Variants in ODAD4 observed in about 807,000 individuals in gnomAD.
ODAD4 encodes the protein outer dynein arm docking complex subunit 4, also known as outer dynein arm-docking complex subunit 4.
A neutral mutation model predicts 51.8 loss-of-function variants in ODAD4; 49 were observed. The observed-to-expected ratio is 0.95, with a 90% CI of 0.75 to 1.20. The LOEUF is 1.20. ODAD4 is among the 50% of genes most tolerant of loss of function. The pLI is 0.00. For missense variants in ODAD4, 590 were observed against 586.5 expected, an observed-to-expected ratio of 1.01 and a Z score of -0.06; for synonymous variants, 235 against 221.3, an observed-to-expected ratio of 1.06 and a Z score of -0.55.
chr17:41,938,517 C>T, intron 5 of ODAD4, 40 bp from the exon 6 acceptor site: 1 of 1,553,644 alleles, frequency 6.4e-7, no homozygotes. Flanking sequence ...CCCTTAGAGG[C>T]CTGTTCTCCT....
intron 5 of ODAD4, 37 bp from the exon 6 acceptor site, chr17:41,938,520 G>T: frequency 6.3e-7 from 1 of 1,576,652 alleles, no homozygotes. Context: ...TTAGAGGCCT[G>T]TTCTCCTTGG....
In ODAD4 at chr17:41,945,222, C is replaced by T. The variant is rs782253232; in HGVS notation, c.1145C>T (p.Thr382Met). The T allele has an allele frequency of 1.7e-5, 27 of 1,610,584 alleles. No homozygotes were observed. The highest frequency in any genetic ancestry group is 8.4e-5 in the Admixed American group (5 of 59,652). Residue 382 changes from threonine to methionine, a missense_variant and splice_region_variant, in exon 8 of 12, where the codon ACG (threonine) becomes ATG (methionine). By Grantham distance (81) the Thr-to-Met change is moderately conservative (BLOSUM62 -1). This residue lies in a region of ODAD4 where 226 missense variants were observed against 162.7 expected (regional missense o/e 1.39). Transcript: ENST00000377540. ...GGGAAATTCCAGCAAGCCATTGACA[C>T]GTGAGTGACCAAGAATTGCCTCTTC... Reference protein sequence around the residue: ...RVGKFQQAIDTWEEKIPLAKT... With the variant: ...RVGKFQQAIDMWEEKIPLAKT...
intron 7 of ODAD4, among the ~76,000 whole-genome samples, chr17:41,943,286 A>G (rs557925372): frequency 2.0e-5 from 3 of 152,266 alleles, no homozygotes; most frequent in East Asian, 3.9e-4. Context: ...CTTCCTCTCA[A>G]ATATAACCAC....
Position 41,961,433 on chromosome 17 carries a change from T to C in ODAD4, c.1495T>C (p.Tyr499His), listed in dbSNP as rs1555641691. The C allele has an allele frequency of 1.4e-6, 1 of 739,128 alleles. No individual in the cohort carries two copies. The highest frequency in any genetic ancestry group is 2.5e-6 in the Non-Finnish European group (1 of 396,980). The allele number at this position is 739,128 out of a possible 1,614,324, so 45.8% of individuals were successfully genotyped here. ...CATCAGAGAACTGAGGAAAACCAAC[T>C]ACGTGGAGAATCTCAAAGAAAAAAG... is the stretch of plus-strand genomic sequence containing the variant. ...GIIRELRKTN[Y>H]VENLKEKSEG... The change falls in exon 11 of 12, where the codon TAC (tyrosine) becomes CAC (histidine). Residue 499 changes from tyrosine (Y) to histidine (H), a missense_variant. Tyr to His is a moderately conservative substitution (Grantham distance 83). Around this residue, in one of 3 missense-constraint regions of ODAD4, gnomAD observed 226 missense variants for 162.7 expected, o/e 1.39. Coordinates refer to ENST00000377540, the MANE Select transcript of ODAD4 (RefSeq NM_031421.5).
rs2050867126 is a variant in ODAD4 at position 41,965,355 on chromosome 17, GAA to G, written c.1892_1893del (p.Glu631AlafsTer35). The G allele has an allele frequency of 1.3e-6, 1 of 780,578 alleles. No individual in the cohort carries two copies. Among genetic ancestry groups the G allele is most frequent in the Non-Finnish European group, 2.4e-6 (1 of 417,984 alleles). 48.4% of individuals were successfully genotyped at this position (780,578 alleles called of 1,614,324 possible). A position where few individuals can be genotyped will look rare whatever the true frequency, so the allele number is the denominator to read the frequency against. Reference protein sequence around the residue: ...QRLSGEFSRQEPEELKKLSEV... With the variant: ...QRLSGEFSRQXPEELKKLSEV... Reference sequence around the variant, plus strand: ...ACTCTCAGGAGAATTCAGCAGACAGGAACCAGAAGAACTAAAGAAACTTTCAG... The same window carrying G: ...ACTCTCAGGAGAATTCAGCAGACAGGCCAGAAGAACTAAAGAAACTTTCAG... On this transcript the variant is annotated frameshift_variant, in exon 12 of 12. Coordinates refer to ENST00000377540, the MANE Select transcript of ODAD4 (RefSeq NM_031421.5). LOFTEE classifies it low-confidence loss of function (END_TRUNC).
At position 41,947,632 on chromosome 17, in the gene ODAD4, T is replaced by C. The variant is rs1331764506; in HGVS notation, c.1146-1521T>C. Among the ~76,000 whole-genome samples, 105 of 128,266 alleles carry C rather than the reference T, an allele frequency of 8.2e-4. 2 individuals carry two copies. The Middle Eastern group carries it at 0.02, about 24-fold the overall frequency. The allele number at this position is 128,266 out of a possible 152,430, so 84.1% of individuals were successfully genotyped here. On this transcript the variant is annotated intron_variant, in intron 8 of 11. Coordinates refer to ENST00000377540, the MANE Select transcript of ODAD4 (RefSeq NM_031421.5). The stretch of plus-strand genomic sequence containing the variant: ...CCAACGTGGGGAAACCCCGTCCCTA[T>C]TAAAAATGCAAAATTAGCCAGGCGT...
At chr17:41,932,239 T>C (rs2050355092) in intron 1 of ODAD4, among the ~76,000 whole-genome samples, 2 of 152,086 alleles carry the variant, frequency 1.3e-5, no homozygotes, top group African/African-American at 4.8e-5. Context: ...TCGGCTAATT[T>C]TGTATTTTTA....
At chr17:41,963,314 T>A (rs926135199) in intron 11 of ODAD4, among the ~76,000 whole-genome samples, 3 of 152,002 alleles carry the variant, frequency 2.0e-5, no homozygotes, top group South Asian at 4.1e-4. Flanking sequence ...AAAAAAAAAA[T>A]TTAGGAGCAA....
chr17:41,943,021 C>T (rs1333246721), intron 7 of ODAD4, among the ~76,000 whole-genome samples: 12 of 152,080 alleles, frequency 7.9e-5, no homozygotes, highest in Non-Finnish European at 1.5e-4. Flanking sequence ...AACCATTGTG[C>T]CCGCGTTTTG....
In ODAD4 at chr17:41,965,463, A is replaced by T. The variant is rs782812780; in HGVS notation, c.1999A>T (p.Met667Leu). ...IGETKKTGNE[M>L]EKEYE ...AGAAACGAAAAAAACAGGAAATGAG[A>T]TGGAAAAGGAATATGAATGAAGCCA... The change falls in exon 12 of 12, where the codon ATG (methionine) becomes TTG (leucine). Residue 667 changes from methionine (M) to leucine (L), a missense_variant. By Grantham distance (15) the Met-to-Leu change is conservative. This residue lies in a region of ODAD4 where 226 missense variants were observed against 162.7 expected (regional missense o/e 1.39). Transcript: ENST00000377540. The T allele has an allele frequency of 2.6e-6, 2 of 773,490 alleles. No homozygotes were observed. Among genetic ancestry groups the T allele is most frequent in the Non-Finnish European group, 4.8e-6 (2 of 416,474 alleles). The allele number at this position is 773,490 out of a possible 1,614,324, so 47.9% of individuals were successfully genotyped here.
intron 9 of ODAD4, among the ~76,000 whole-genome samples, chr17:41,950,946 G>A (rs971952717): frequency 1.3e-5 from 2 of 151,854 alleles, no homozygotes; most frequent in Non-Finnish European, 2.9e-5. Context: ...CTGACCTCAA[G>A]TGATCTGCCC....
At chr17:41,932,635 C>G (rs2050364207) in intron 1 of ODAD4, among the ~76,000 whole-genome samples, 1 of 151,968 alleles carries the variant, frequency 6.6e-6, no homozygotes, top group South Asian at 2.1e-4. Flanking sequence ...GCTTCAAACT[C>G]CTGAGCTCAA....
At position 41,943,655 on chromosome 17, in the gene ODAD4, C is replaced by T. The variant is rs370891767; in HGVS notation, c.1059-1481C>T. 2.0e-3 allele frequency among the ~76,000 whole-genome samples: 302 copies of T among 152,298 alleles called. 2 individuals carry two copies. Among genetic ancestry groups the T allele is most frequent in the Non-Finnish European group, 3.3e-3 (223 of 68,034 alleles). On this transcript the variant is annotated intron_variant, in intron 7 of 11. Transcript: ENST00000377540. ...TTCTTTTGTGATTCTTCAGTTACTTCGGGCCATCTGGTTGTATACGTGCAG... is the reference window on the plus strand; with the variant it reads ...TTCTTTTGTGATTCTTCAGTTACTTTGGGCCATCTGGTTGTATACGTGCAG...
At chr17:41,944,197 CAAA>C (rs548959105) in intron 7 of ODAD4, among the ~76,000 whole-genome samples, 4 of 104,494 alleles carry the variant, frequency 3.8e-5, no homozygotes, top group African/African-American at 3.5e-5. Context: ...AACTCCGTCT[CAAA>C]AAAAAAAAAA....
At chr17:41,959,402 C>T (rs2050775316) in intron 10 of ODAD4, among the ~76,000 whole-genome samples, 1 of 152,184 alleles carries the variant, frequency 6.6e-6, no homozygotes, top group Admixed American at 6.5e-5. Context: ...GAGCTTATGC[C>T]ATCATTGAAA....
chr17:41,950,868 C>A (rs2050642540), intron 9 of ODAD4, among the ~76,000 whole-genome samples: 1 of 150,378 alleles, frequency 6.6e-6, no homozygotes, highest in African/African-American at 2.4e-5. Context: ...GCCACCACTC[C>A]TGGCTAATTT....
rs200374561 is a variant in ODAD4, at chr17:41,930,794, A to C, written c.71A>C (p.Tyr24Ser). 2 of 1,593,290 alleles carry C rather than the reference A, an allele frequency of 1.3e-6. No individual in the cohort carries two copies. The highest frequency in any genetic ancestry group is 2.2e-5 in the South Asian group (2 of 89,280). Reference protein sequence around the residue: ...PSYMAEGERLYLCGEFSKAAQ... With the variant: ...PSYMAEGERLSLCGEFSKAAQ... ...TATATGGCCGAAGGCGAGCGGCTCT[A>C]CCTGTGCGGGGAATTTTCTAAAGCC... is the stretch of plus-strand genomic sequence containing the variant. Residue 24 changes from tyrosine (Y) to serine (S), a missense_variant, in exon 1 of 12, where the codon TAC (tyrosine) becomes TCC (serine). Tyr to Ser is a moderately radical substitution (Grantham distance 144). This residue lies in a region of ODAD4 where 360 missense variants were observed against 407.5 expected (regional missense o/e 0.88). Coordinates refer to ENST00000377540, the MANE Select transcript of ODAD4 (RefSeq NM_031421.5).
In ODAD4 at chr17:41,932,061, A is replaced by T. The variant is rs150565003; in HGVS notation, c.114+1224A>T. On this transcript the variant is annotated intron_variant, in intron 1 of 11. Coordinates refer to ENST00000377540, the MANE Select transcript of ODAD4 (RefSeq NM_031421.5). The stretch of plus-strand genomic sequence containing the variant: ...CTGCCTCAGCCTCAGGCACACTGCT[A>T]AGCAGACTGGATTTTTGTTGTTGTT... Among the ~76,000 whole-genome samples, 4 of 151,424 alleles carry T rather than the reference A, an allele frequency of 2.6e-5. 1 individual carries two copies. The East Asian group carries it at 7.8e-4, about 30-fold the overall frequency.
chr17:41,941,408 T>C (rs2050503903), intron 7 of ODAD4, among the ~76,000 whole-genome samples: 2 of 152,174 alleles, frequency 1.3e-5, no homozygotes, highest in East Asian at 3.9e-4. Context: ...CTTTCCCTTT[T>C]CCCAGCACTT....
Sources: gnomAD v4.1 joint callset for allele counts (sites outside exome capture counted in the v4.1 genomes callset) on GRCh38, gnomAD v4.1.1 for gene constraint, gnomAD v4.1.1 regional missense constraint, MANE v1.5 for transcripts, NCBI Gene and HGNC (gene_info 2026-07-23, HGNC 2026-07-21) for gene names.